The following NUMB variants were observed in gnomAD, a reference collection of about 807,000 sequenced individuals.
NUMB encodes the protein protein numb homolog.
A neutral mutation model predicts 59.7 loss-of-function variants in NUMB; 29 were observed. The observed-to-expected ratio is 0.49, with a 90% CI of 0.36 to 0.66. The LOEUF (loss-of-function observed/expected upper bound fraction) is 0.66, where lower values mean the gene tolerates loss of function less well. Ranked by LOEUF, NUMB falls within the 30% of genes least tolerant of loss-of-function variation. The pLI, the probability that NUMB is intolerant of heterozygous loss-of-function variation, is 0.00. For synonymous variants in NUMB, 288 were observed against 288.2 expected, an observed-to-expected ratio of 1.00 and a Z score of 0.01; for missense variants, 723 against 822.0, an observed-to-expected ratio of 0.88 and a Z score of 1.47.
intron 6 of NUMB, among the ~76,000 whole-genome samples, chr14:73,307,980 G>A (rs1230945745): frequency 5.3e-5 from 8 of 151,924 alleles, no homozygotes; most frequent in Non-Finnish European, 8.8e-5. Context: ...TGATCCGCCC[G>A]CCTCGTCCTC....
intron 1 of NUMB, among the ~76,000 whole-genome samples, chr14:73,412,455 C>T (rs1216960929): frequency 6.6e-6 from 1 of 151,800 alleles, no homozygotes; most frequent in Non-Finnish European, 1.5e-5. Context: ...TAGAGAAACC[C>T]TATCTCTATT....
chr14:73,276,993 G>A lies in NUMB; in HGVS notation c.1541C>T (p.Ala514Val), dbSNP rs1334179355. Residue 514 changes from alanine (A) to valine (V), a missense_variant, in exon 13 of 13, where the codon GCC becomes GTC. Around this residue, in one of 2 missense-constraint regions of NUMB, gnomAD observed 406 missense variants for 385.4 expected, o/e 1.05. Coordinates refer to ENST00000555238, the MANE Select transcript of NUMB (RefSeq NM_001005743.2). The stretch of plus-strand genomic sequence containing the variant: ...AGGGGCTGGATAGGGCATTCCATTG[G>A]CCACAGGATAGGACTGGGCAGGGAC... ...AFVPAQSYPV[A>V]NGMPYPAPNV... is the part of the protein sequence containing the mutation. 2 of 1,614,148 alleles carry A rather than the reference G, an allele frequency of 1.2e-6. No homozygotes were observed. The highest frequency in any genetic ancestry group is 1.7e-6 in the Non-Finnish European group (2 of 1,180,034).
chr14:73,436,403 GC>G (rs1242629988), intron 1 of NUMB, among the ~76,000 whole-genome samples: 1 of 151,996 alleles, frequency 6.6e-6, no homozygotes, highest in East Asian at 1.9e-4. Context: ...TGCAACCTCT[GC>G]CCCCTGGGTT....
At chr14:73,298,411 C>T (rs1171117381) in intron 6 of NUMB, 1 of 152,110 alleles carries the variant, frequency 6.6e-6, no homozygotes. Flanking sequence ...TTTGGGGACA[C>T]AGGAAGATTT....
chr14:73,349,480 A>C (rs1344622154), intron 4 of NUMB, among the ~76,000 whole-genome samples: 1 of 150,580 alleles, frequency 6.6e-6, no homozygotes, highest in Non-Finnish European at 1.5e-5. Context: ...CCAGCTACTT[A>C]GGAGAATCTC....
chr14:73,359,368 G>A (rs542436168), intron 3 of NUMB, among the ~76,000 whole-genome samples: 6 of 152,182 alleles, frequency 3.9e-5, no homozygotes, highest in African/African-American at 1.4e-4. Context: ...TAACAATAAA[G>A]CATGTTAAGA....
At chr14:73,349,230 C>G (rs1294005893) in intron 4 of NUMB, among the ~76,000 whole-genome samples, 1 of 151,978 alleles carries the variant, frequency 6.6e-6, no homozygotes, top group Non-Finnish European at 1.5e-5. Flanking sequence ...CACCTGAGGT[C>G]AGGCTGAGGT....
At chr14:73,417,792 C>A (rs1158890549) in intron 1 of NUMB, among the ~76,000 whole-genome samples, 2 of 152,104 alleles carry the variant, frequency 1.3e-5, no homozygotes, top group Non-Finnish European at 2.9e-5. Flanking sequence ...AAGTGTCCAC[C>A]GATGGATGAA....
rs367723830 is a variant in NUMB at position 73,372,766 on chromosome 14, C to T, written c.-100-5785G>A. Among the ~76,000 whole-genome samples the T allele has an allele frequency of 6.6e-5, 10 of 152,098 alleles. No homozygotes were observed. The East Asian group carries it at 1.9e-3, about 29-fold the overall frequency. On this transcript the variant is annotated intron_variant, in intron 2 of 12. Coordinates refer to ENST00000555238, the MANE Select transcript of NUMB (RefSeq NM_001005743.2). ...CTAGGATTCACTATTGTTCATATTT[C>T]AATATTCATTTCATTATATTCATTG...
rs1389825573 is a variant in NUMB, at chr14:73,427,861, T to C, written c.-232-17793A>G. ...TTCTACTTTCCCAACAAACCAACAA[T>C]CATGATCATCTGAAAATATTATTTT... On this transcript the variant is annotated intron_variant, in intron 1 of 12. Transcript: ENST00000555238. Among the ~76,000 whole-genome samples, 11 of 152,234 alleles carry C rather than the reference T, an allele frequency of 7.2e-5. No individual in the cohort carries two copies. In the East Asian group the frequency reaches 1.7e-3, roughly 24 times the overall value.
chr14:73,410,794 T>C (rs1381966900), intron 1 of NUMB, among the ~76,000 whole-genome samples: 1 of 152,196 alleles, frequency 6.6e-6, no homozygotes, highest in Non-Finnish European at 1.5e-5. Flanking sequence ...TAAAATTCCT[T>C]ATACTTCTAA....
intron 4 of NUMB, among the ~76,000 whole-genome samples, chr14:73,349,433 C>T (rs1893083984): frequency 6.6e-6 from 1 of 151,908 alleles, no homozygotes; most frequent in Non-Finnish European, 1.5e-5. Flanking sequence ...ACTAAAAATA[C>T]AAAACTAGCT....
At chr14:73,448,603 C>T (rs1017848655) in intron 1 of NUMB, among the ~76,000 whole-genome samples, 3 of 151,868 alleles carry the variant, frequency 2.0e-5, no homozygotes, top group African/African-American at 7.3e-5. Context: ...ACTTGAATTG[C>T]GAAGATAAAT....
chr14:73,414,954 T>C (rs537589683), intron 1 of NUMB, among the ~76,000 whole-genome samples: 5 of 152,166 alleles, frequency 3.3e-5, no homozygotes, highest in East Asian at 1.9e-4. Context: ...TCTGCTGACC[T>C]TGTGATCTGC....
intron 6 of NUMB, among the ~76,000 whole-genome samples, chr14:73,301,133 G>T (rs1400553753): frequency 5.3e-5 from 8 of 152,216 alleles, no homozygotes; most frequent in African/African-American, 1.9e-4. Flanking sequence ...AGCAGTTCAA[G>T]AAATATTTGT....
chr14:73,415,274 T>C lies in NUMB; in HGVS notation c.-232-5206A>G, dbSNP rs781649395. Among the ~76,000 whole-genome samples, 34 of 151,966 alleles carry C rather than the reference T, an allele frequency of 2.2e-4. 1 individual carries two copies. Among genetic ancestry groups the C allele is most frequent in the Non-Finnish European group, 4.1e-4 (28 of 68,014 alleles). ...CCAACAAAACACAGAGGAATAACAA[T>C]AGGTCTTGTAAAGGCTTTTCAGATA... On this transcript the variant is annotated intron_variant, in intron 1 of 12. Coordinates refer to ENST00000555238, the MANE Select transcript of NUMB (RefSeq NM_001005743.2).
At chr14:73,384,986 C>G (rs1340545128) in intron 2 of NUMB, among the ~76,000 whole-genome samples, 1 of 150,438 alleles carries the variant, frequency 6.6e-6, no homozygotes, top group East Asian at 2.0e-4. Context: ...CTCTGCCTCC[C>G]AGGTTCAAGC....
rs143344772 is a variant in NUMB, at chr14:73,322,981, G to A, written c.201+149C>T. ...GCTAGGATTACAGGAGTGAGCCACC[G>A]CGCTTGGCTGAGATGCTCCTTATTA... On this transcript the variant is annotated intron_variant, in intron 5 of 12. Transcript: ENST00000555238. 471 of 594,022 alleles carry A rather than the reference G, an allele frequency of 7.9e-4. 7 individuals carry two copies. The East Asian group carries it at 0.011, about 14-fold the overall frequency. 36.8% of individuals were successfully genotyped at this position (594,022 alleles called of 1,614,324 possible).
At chr14:73,416,304 C>T (rs1897124705) in intron 1 of NUMB, among the ~76,000 whole-genome samples, 2 of 150,960 alleles carry the variant, frequency 1.3e-5, no homozygotes, top group Admixed American at 1.3e-4. Flanking sequence ...TTGGAAAAAC[C>T]ACAGTAAATA....
Sources: allele counts gnomAD v4.1 joint callset (sites outside exome capture counted in the v4.1 genomes callset), GRCh38; gene constraint gnomAD v4.1.1; regional missense constraint gnomAD v4.1.1; transcripts MANE v1.5; gene names NCBI Gene and HGNC (gene_info 2026-07-23, HGNC 2026-07-21).